Variants in SERPINB6 observed in about 807,000 individuals in gnomAD.
The protein encoded by SERPINB6 is serpin B6.
A neutral mutation model predicts 26.1 loss-of-function variants in SERPINB6; 16 were observed. That is an observed-to-expected ratio of 0.61 (90% CI 0.42 to 0.93). The LOEUF is 0.93. SERPINB6 is among the 40% of genes least tolerant of loss of function. The pLI, the probability that SERPINB6 is intolerant of heterozygous loss-of-function variation, is 0.00. For missense variants in SERPINB6, 420 were observed against 478.0 expected, an observed-to-expected ratio of 0.88 and a Z score of 1.13; for synonymous variants, 174 against 176.6, an observed-to-expected ratio of 0.99 and a Z score of 0.11.
chr6:2,953,023 C>T (rs1311694602), intron 5 of SERPINB6, 21 bp downstream of exon 5: 1 of 1,614,064 alleles, frequency 6.2e-7, no homozygotes, highest in Admixed American at 1.7e-5. Flanking sequence ...GGCGCTGCTC[C>T]TGTCACGGCC....
chr6:2,948,364 G>A lies in SERPINB6; in HGVS notation c.1065C>T (p.Phe355=), dbSNP rs994907517. 6.2e-7 allele frequency: 1 copy of A among 1,614,168 alleles called. No homozygotes were observed. Among genetic ancestry groups the A allele is most frequent in the Non-Finnish European group, 8.5e-7 (1 of 1,180,022 alleles). ...TCTTGCTGTGCTGGATGAAGAAAAGGAAGGGGTGGTCGGCGCAGAAGCGGG... is the reference window on the plus strand; with the variant it reads ...TCTTGCTGTGCTGGATGAAGAAAAGAAAGGGGTGGTCGGCGCAGAAGCGGG... ...FVPRFCADHP[F]LFFIQHSKTN... Residue 355 remains phenylalanine (F), a synonymous_variant, in exon 7 of 7, where the codon TTC becomes TTT. Coordinates refer to ENST00000380539, the MANE Select transcript of SERPINB6 (RefSeq NM_004568.6). The surrounding 1 kb of genome is among the most constrained non-coding windows in gnomAD (Gnocchi z 5.0).
intron 5 of SERPINB6, among the ~76,000 whole-genome samples, chr6:2,949,672 G>C (rs1210618118): frequency 6.6e-6 from 1 of 152,222 alleles, no homozygotes; most frequent in Non-Finnish European, 1.5e-5. Context: ...CTGGAATATT[G>C]TGATAATATG....
chr6:2,959,108 G>A, intron 2 of SERPINB6, 60 bp downstream of exon 2: 1 of 1,600,886 alleles, frequency 6.2e-7, no homozygotes, highest in South Asian at 1.1e-5. Flanking sequence ...TTGGGATTTG[G>A]AATAAGGAGG....
At chr6:2,952,906 G>A (rs1769971499) in intron 5 of SERPINB6, 138 bp downstream of exon 5, 1 of 1,269,156 alleles carries the variant, frequency 7.9e-7, no homozygotes, top group Non-Finnish European at 1.1e-6. Context: ...CAGGCGCCCA[G>A]GGACACGAGG....
In SERPINB6 at chr6:2,970,707, G is replaced by C. The variant is rs1885296; in HGVS notation, c.-11+826C>G. The C allele has an allele frequency of 0.83, 1,003,874 of 1,208,998 alleles. 416,749 individuals are homozygous for C. The highest frequency in any genetic ancestry group is 0.93 in the East Asian group (28,815 of 30,954). The allele number at this position is 1,208,998 out of a possible 1,614,324, so 74.9% of individuals were successfully genotyped here. On this transcript the variant is annotated intron_variant, in intron 1 of 6. Coordinates refer to ENST00000380539, the MANE Select transcript of SERPINB6 (RefSeq NM_004568.6). ...TTAATTTTCTGTACCTCAGTTTTCC[G>C]AAGCCAATCTTTAGGACAAAAAAAA...
At chr6:2,949,857 T>G (rs114635947) in intron 5 of SERPINB6, among the ~76,000 whole-genome samples, 2,435 of 152,284 alleles carry the variant, frequency 0.016, 39 homozygotes, top group South Asian at 0.061. Flanking sequence ...CCTCTCCCTT[T>G]GCTTATCTGC....
At chr6:2,957,388 GAATA>G (rs1168050899) in intron 2 of SERPINB6, 1 of 152,218 alleles carries the variant, frequency 6.6e-6, no homozygotes, top group Non-Finnish European at 1.5e-5. Context: ...ACTGGGTGGA[GAATA>G]AAAATGTTTC....
At chr6:2,950,532 CAAA>C (rs5873848) in intron 5 of SERPINB6, among the ~76,000 whole-genome samples, 14 of 110,162 alleles carry the variant, frequency 1.3e-4, no homozygotes, top group Non-Finnish European at 1.3e-4. Context: ...GACTCCATCT[CAAA>C]AAAAAAAAAA....
chr6:2,971,702 A>T (rs1376884044), upstream of SERPINB6: 6 of 152,136 alleles, frequency 3.9e-5, no homozygotes, highest in Non-Finnish European at 7.3e-5. Flanking sequence ...CCCACCCGCC[A>T]GCCGGAGGGG....
At chr6:2,968,006 T>A (rs1361784455) in intron 1 of SERPINB6, 1 of 152,214 alleles carries the variant, frequency 6.6e-6, no homozygotes, top group Non-Finnish European at 1.5e-5. Context: ...ACGCGAATGT[T>A]CACCGCAGCA....
At chr6:2,966,848 TCTCG>T (rs1771688233) in intron 1 of SERPINB6, 1 of 603,456 alleles carries the variant, frequency 1.7e-6, no homozygotes, top group African/African-American at 2.0e-5. Flanking sequence ...AGAGACAGGG[TCTCG>T]CTCGGTGGCC....
At chr6:2,951,277 T>G (rs1463016058) in intron 5 of SERPINB6, among the ~76,000 whole-genome samples, 3 of 151,204 alleles carry the variant, frequency 2.0e-5, no homozygotes, top group Non-Finnish European at 2.9e-5. Flanking sequence ...TCCCAGCTAC[T>G]CAAGAGGCCA....
Position 2,948,314 on chromosome 6 carries a change from C to T in SERPINB6, c.1115G>A (p.Arg372His), listed in dbSNP as rs748043996. ...SKTNGILFCGRFSSP is the reference protein window; with the variant it reads ...SKTNGILFCGHFSSP ...GCCCTGTCCTCACGGAGAGGAAAAGCGGCCGCAGAAGAGAATCCCGTTGGT... is the reference window on the plus strand; with the variant it reads ...GCCCTGTCCTCACGGAGAGGAAAAGTGGCCGCAGAAGAGAATCCCGTTGGT... The change falls in exon 7 of 7, where the codon CGC becomes CAC. Residue 372 changes from arginine to histidine, a missense_variant. By Grantham distance (29) the Arg-to-His change is conservative (BLOSUM62 0). Coordinates refer to ENST00000380539, the MANE Select transcript of SERPINB6 (RefSeq NM_004568.6). This position sits in a 1 kb window ranked among gnomAD's most constrained non-coding sequence, Gnocchi z 5.0. 3.7e-6 allele frequency: 6 copies of T among 1,613,710 alleles called. No individual in the cohort carries two copies. The highest frequency in any genetic ancestry group is 1.7e-4 in the Middle Eastern group (1 of 5,786).
At chr6:2,965,058 G>C (rs1428509845) in intron 1 of SERPINB6, among the ~76,000 whole-genome samples, 2 of 152,322 alleles carry the variant, frequency 1.3e-5, no homozygotes, top group East Asian at 3.9e-4. Flanking sequence ...CCACAGGTTT[G>C]CTTTATTATC....
At position 2,955,544 on chromosome 6, in the gene SERPINB6, T is replaced by C. The variant is rs2113203019; in HGVS notation, c.292A>G (p.Lys98Glu). ...LRMANRLFGEKSCDFLSSFRD... is the reference protein window; with the variant it reads ...LRMANRLFGEESCDFLSSFRD... The stretch of plus-strand genomic sequence containing the variant: ...CTTACTGAGAGGAAATCACAAGACT[T>C]TTCCCCAAAGAGCCTGTTGGCCATC... The change falls in exon 3 of 7, where the codon AAG becomes GAG. Residue 98 changes from lysine to glutamate, a missense_variant. Transcript: ENST00000380539. 1.2e-6 allele frequency: 2 copies of C among 1,614,172 alleles called. No homozygotes were observed. Among genetic ancestry groups the C allele is most frequent in the Admixed American group, 1.7e-5 (1 of 60,020 alleles).
chr6:2,965,824 G>C lies in SERPINB6; in HGVS notation c.-11+5709C>G, dbSNP rs529572056. 1.7e-3 allele frequency among the ~76,000 whole-genome samples: 257 copies of C among 152,240 alleles called. 1 individual carries two copies. Among genetic ancestry groups the C allele is most frequent in the African/African-American group, 5.9e-3 (246 of 41,540 alleles). On this transcript the variant is annotated intron_variant, in intron 1 of 6. Coordinates refer to ENST00000380539, the MANE Select transcript of SERPINB6 (RefSeq NM_004568.6). ...TTAATCTTATGGGGTTAAATCCTAA[G>C]GGATCATCCCTTTCTGTAAAAACAG...
At chr6:2,952,982 G>GCC (rs2113160112) in intron 5 of SERPINB6, 62 bp downstream of exon 5, 1 of 1,608,348 alleles carries the variant, frequency 6.2e-7, no homozygotes, top group East Asian at 2.2e-5. Flanking sequence ...GACGCGGGAG[G>GCC]CCCCGAGCCG....
intron 1 of SERPINB6, chr6:2,969,504 T>A (rs567015541): frequency 1.0e-6 from 1 of 985,182 alleles, no homozygotes; most frequent in East Asian, 1.1e-4. Context: ...TGAACAATTT[T>A]ATGTATTTTT....
At chr6:2,953,240 C>CTA in intron 4 of SERPINB6, 54 bp from the exon 5 acceptor site, 1 of 1,612,454 alleles carries the variant, frequency 6.2e-7, no homozygotes, top group Non-Finnish European at 8.5e-7. Context: ...GGATCCCCGA[C>CTA]ACATCAGGAA....
Sources: allele counts gnomAD v4.1 joint callset (sites outside exome capture counted in the v4.1 genomes callset), GRCh38; gene constraint gnomAD v4.1.1; non-coding constraint Gnocchi (gnomAD v3.1); transcripts MANE v1.5; gene names NCBI Gene and HGNC (gene_info 2026-07-23, HGNC 2026-07-21).